Variants in SASH1 observed in about 807,000 individuals in gnomAD.
The protein encoded by SASH1 is SAM and SH3 domain containing 1.
SASH1 carries 44 observed loss-of-function variants against 125.2 expected under a neutral mutation model. That is an observed-to-expected ratio of 0.35 (90% confidence interval 0.28 to 0.45). SASH1 has a LOEUF of 0.45. Among genes scored for constraint, SASH1 ranks in the 20% least tolerant of loss-of-function variants. The pLI, the probability that SASH1 is intolerant of heterozygous loss-of-function variation, is 1.00. For synonymous variants in SASH1, 639 were observed against 649.1 expected, an observed-to-expected ratio of 0.98 and a Z score of 0.24; for missense variants, 1,426 against 1,614.5, an observed-to-expected ratio of 0.88 and a Z score of 2.00.
At chr6:148,507,147 T>C (rs1189634040) in intron 8 of SASH1, among the ~76,000 whole-genome samples, 1 of 150,808 alleles carries the variant, frequency 6.6e-6, no homozygotes, top group Non-Finnish European at 1.5e-5. Context: ...TCAATAAAGG[T>C]TGGGAGGAGA....
At chr6:148,394,127 A>G (rs537174554) in intron 2 of SASH1, among the ~76,000 whole-genome samples, 60 of 152,300 alleles carry the variant, frequency 3.9e-4, no homozygotes, top group African/African-American at 1.4e-3. Context: ...TCCCGACCTC[A>G]GATGATCCTC....
At chr6:148,284,999 G>A (rs1201533091) in intron 1 of SASH1, among the ~76,000 whole-genome samples, 2 of 152,096 alleles carry the variant, frequency 1.3e-5, no homozygotes, top group African/African-American at 4.8e-5. Context: ...ACAAGTGCAT[G>A]CCCATTACCC....
intron 1 of SASH1, among the ~76,000 whole-genome samples, chr6:148,322,637 T>C (rs969670154): frequency 1.3e-5 from 2 of 152,176 alleles, no homozygotes; most frequent in East Asian, 1.9e-4. Flanking sequence ...CTGTGACTCT[T>C]CTCTTGCTTT....
chr6:148,381,731 T>C (rs1169084585), intron 1 of SASH1, among the ~76,000 whole-genome samples: 1 of 145,534 alleles, frequency 6.9e-6, no homozygotes, highest in Non-Finnish European at 1.5e-5. Context: ...TGGGCTCAAG[T>C]GATTCTCTCG....
chr6:148,503,064 T>C (rs1779627842), intron 8 of SASH1, among the ~76,000 whole-genome samples: 1 of 152,252 alleles, frequency 6.6e-6, no homozygotes, highest in Non-Finnish European at 1.5e-5. Flanking sequence ...TTGCTATTCC[T>C]TGCCTTTCCT....
the SASH1 span, among the ~76,000 whole-genome samples, chr6:148,247,692 C>A: frequency 6.6e-4 from 100 of 152,306 alleles, 2 homozygotes; most frequent in East Asian, 0.017. Flanking sequence ...AACAATAAAC[C>A]TTTATGAGTA....
At chr6:148,457,444 G>A (rs73585677) in intron 4 of SASH1, among the ~76,000 whole-genome samples, 12,542 of 152,132 alleles carry the variant, frequency 0.082, 627 homozygotes, top group South Asian at 0.19. Context: ...TTTGGGTGTC[G>A]GAAGAGCTGA....
At chr6:148,542,366 T>G in intron 17 of SASH1, among the ~76,000 whole-genome samples, 1 of 152,184 alleles carries the variant, frequency 6.6e-6, no homozygotes, top group East Asian at 1.9e-4. Context: ...GAAGAGGTAT[T>G]TCTTCATTTA....
chr6:148,236,266 G>A, the SASH1 span, among the ~76,000 whole-genome samples: 1 of 151,806 alleles, frequency 6.6e-6, no homozygotes, highest in African/African-American at 2.4e-5. Flanking sequence ...CCAGGCTGGA[G>A]TGCAATGGCA....
intron 1 of SASH1, among the ~76,000 whole-genome samples, chr6:148,302,555 G>A (rs1002848375): frequency 3.3e-5 from 5 of 149,952 alleles, no homozygotes; most frequent in African/African-American, 9.8e-5. Flanking sequence ...ATTCTCAAAC[G>A]TATATAAAAT....
chr6:148,465,330 T>C (rs1303685166), intron 4 of SASH1, among the ~76,000 whole-genome samples: 1 of 152,068 alleles, frequency 6.6e-6, no homozygotes, highest in East Asian at 1.9e-4. Flanking sequence ...GGCGGGCAAA[T>C]CACCTGAGGT....
In SASH1 at chr6:148,532,117, T is replaced by G. The variant is rs995892356; in HGVS notation, c.1564+456T>G. On this transcript the variant is annotated intron_variant, in intron 13 of 19. Coordinates refer to ENST00000367467, the MANE Select transcript of SASH1 (RefSeq NM_015278.5). The surrounding 1 kb of genome is among the most constrained non-coding windows in gnomAD (Gnocchi z 4.7). ...ATTTTTGAGATGGAGTCTCACTGTC[T>G]CCCAGGCTGGAGTGCAGTGTTGTGA... 1.3e-5 allele frequency among the ~76,000 whole-genome samples: 2 copies of G among 152,156 alleles called. No individual in the cohort carries two copies. The highest frequency in any genetic ancestry group is 4.8e-5 in the African/African-American group (2 of 41,410).
chr6:148,420,669 T>A (rs781302704), intron 2 of SASH1, among the ~76,000 whole-genome samples: 1 of 152,228 alleles, frequency 6.6e-6, no homozygotes, highest in Non-Finnish European at 1.5e-5. Flanking sequence ...CTTTCCCTTA[T>A]GAATTATTGT....
At chr6:148,469,926 T>C (rs1778020675) in intron 5 of SASH1, among the ~76,000 whole-genome samples, 1 of 150,986 alleles carries the variant, frequency 6.6e-6, no homozygotes, top group African/African-American at 2.4e-5. Context: ...TTCAGGAGGC[T>C]GAGGCAGGAG....
intron 16 of SASH1, among the ~76,000 whole-genome samples, chr6:148,535,615 G>T (rs547170717): frequency 2.3e-4 from 35 of 152,200 alleles, no homozygotes; most frequent in Non-Finnish European, 4.8e-4. Flanking sequence ...TTTACAGCCT[G>T]TGAGCAGAAT....
rs76123566 is a variant in SASH1 at position 148,304,026 on chromosome 6, C to T, written n.74+31649C>T. 7.2e-5 allele frequency among the ~76,000 whole-genome samples: 11 copies of T among 151,888 alleles called. No individual in the cohort carries two copies. In the East Asian group the frequency reaches 7.8e-4, roughly 11 times the overall value. On this transcript the variant is annotated intron_variant and non_coding_transcript_variant, in intron 1 of 3. Transcript: ENST00000367469. Reference sequence around the variant, plus strand: ...TCAAATTAATAACCAAATCGGGGGCCGGGTGCGATGGCTCACGCCTGTAAT... The same window carrying T: ...TCAAATTAATAACCAAATCGGGGGCTGGGTGCGATGGCTCACGCCTGTAAT...
intron 4 of SASH1, among the ~76,000 whole-genome samples, chr6:148,454,019 C>G (rs111445516): frequency 1.5e-3 from 228 of 152,306 alleles, no homozygotes; most frequent in Middle Eastern, 0.014. Context: ...GCAGGGCAGG[C>G]AGTTCAGCAA....
intron 4 of SASH1, among the ~76,000 whole-genome samples, chr6:148,449,078 C>CTTTTTCTTTTTCTTTTTTTT: frequency 8.2e-4 from 73 of 88,684 alleles, no homozygotes; most frequent in Non-Finnish European, 1.4e-3. Context: ...CATTTCATTT[C>CTTTTTCTTTTTCTTTTTTTT]TTTTTTTTTT....
intron 2 of SASH1, among the ~76,000 whole-genome samples, chr6:148,399,321 G>A (rs1340335267): frequency 1.4e-5 from 2 of 147,246 alleles, no homozygotes; most frequent in Non-Finnish European, 3.0e-5. Context: ...GGGTTCAAGT[G>A]ATTCTCCTGC....
Sources: gnomAD v4.1 joint callset for allele counts (sites outside exome capture counted in the v4.1 genomes callset) on GRCh38, gnomAD v4.1.1 for gene constraint, Gnocchi (gnomAD v3.1) non-coding constraint, MANE v1.5 for transcripts, NCBI Gene and HGNC (gene_info 2026-07-23, HGNC 2026-07-21) for gene names.